RBFOX2: variants seen among roughly 807,000 people sequenced by gnomAD.
RBFOX2 encodes RNA binding fox-1 homolog 2.
RBFOX2 carries 10 observed loss-of-function variants against 49.1 expected under a neutral mutation model. The observed-to-expected ratio is 0.20, with a 90% CI of 0.13 to 0.35. RBFOX2 has a LOEUF of 0.35. Among genes scored for constraint, RBFOX2 ranks in the 10% least tolerant of loss-of-function variants. The pLI, the probability that RBFOX2 is intolerant of heterozygous loss-of-function variation, is 1.00. For synonymous variants in RBFOX2, 183 were observed against 187.4 expected, an observed-to-expected ratio of 0.98 and a Z score of 0.19; for missense variants, 323 against 486.9, an observed-to-expected ratio of 0.66 and a Z score of 3.17.
chr22:35,910,041 A>C (rs1229111066), intron 1 of RBFOX2, among the ~76,000 whole-genome samples: 3 of 152,192 alleles, frequency 2.0e-5, no homozygotes, highest in African/African-American at 7.2e-5. Context: ...CAAAGTCATG[A>C]TTTTTTGCTC....
At position 35,761,182 on chromosome 22, in the gene RBFOX2, G is replaced by C; in HGVS notation, c.754+20C>G. The C allele has an allele frequency of 6.2e-7, 1 of 1,605,782 alleles. No individual in the cohort carries two copies. Among genetic ancestry groups the C allele is most frequent in the Non-Finnish European group, 8.5e-7 (1 of 1,172,786 alleles). ...CTCACAACAGTCAAAATCCATGCCA[G>C]GCCAACATAGGCTACTTACTGATTA... On this transcript the variant is annotated intron_variant, in intron 8 of 11. Coordinates refer to ENST00000405409, the Ensembl canonical transcript of RBFOX2.
intron 5 of RBFOX2, among the ~76,000 whole-genome samples, chr22:35,765,991 A>C (rs1435706091): frequency 6.6e-6 from 1 of 152,198 alleles, no homozygotes; most frequent in Non-Finnish European, 1.5e-5. Context: ...TAGAAACCTA[A>C]GATTCCCCTG....
At chr22:35,796,735 G>A (rs1030427914) in intron 2 of RBFOX2, among the ~76,000 whole-genome samples, 6 of 151,244 alleles carry the variant, frequency 4.0e-5, no homozygotes, top group Middle Eastern at 3.2e-3. Flanking sequence ...GTAAAATATC[G>A]GCTTACTGAG....
chr22:35,975,267 A>G, intron 1 of RBFOX2, among the ~76,000 whole-genome samples: 1 of 152,228 alleles, frequency 6.6e-6, no homozygotes, highest in East Asian at 1.9e-4. Flanking sequence ...CAGTCTACAA[A>G]TGACACTTTA....
intron 1 of RBFOX2, among the ~76,000 whole-genome samples, chr22:35,829,081 A>G (rs1956329230): frequency 1.3e-5 from 2 of 152,074 alleles, no homozygotes; most frequent in Admixed American, 1.3e-4. Context: ...AAACAAACAA[A>G]CAACCCAAGA....
chr22:36,028,804 G>T (rs1403533354), exon 1 of RBFOX2, among the ~76,000 whole-genome samples: 2 of 152,028 alleles, frequency 1.3e-5, no homozygotes, highest in African/African-American at 2.4e-5. Context: ...CACGCCGGCC[G>T]AGGGAGGAAG....
chr22:35,894,808 C>T (rs1216688356), intron 1 of RBFOX2, among the ~76,000 whole-genome samples: 2 of 152,038 alleles, frequency 1.3e-5, no homozygotes, highest in East Asian at 3.9e-4. Context: ...GCACTCTGTA[C>T]TCACCCAGAG....
intron 1 of RBFOX2, among the ~76,000 whole-genome samples, chr22:35,945,922 A>G (rs765861494): frequency 1.3e-5 from 2 of 152,342 alleles, no homozygotes; most frequent in Middle Eastern, 3.4e-3. Context: ...AAAAAAACTC[A>G]TTCTACCTCC....
chr22:36,025,901 G>C (rs574266216), intron 1 of RBFOX2, among the ~76,000 whole-genome samples: 1 of 152,252 alleles, frequency 6.6e-6, no homozygotes, highest in East Asian at 1.9e-4. Context: ...CATTCAGCTA[G>C]TTGAAGGCAG....
chr22:35,787,889 G>A (rs1027869578), intron 2 of RBFOX2, among the ~76,000 whole-genome samples: 4 of 152,146 alleles, frequency 2.6e-5, no homozygotes, highest in African/African-American at 7.2e-5. Context: ...TCCGTTCACC[G>A]ACAGTTTAGA....
intron 4 of RBFOX2, among the ~76,000 whole-genome samples, chr22:35,773,421 T>C (rs1943169775): frequency 6.6e-6 from 1 of 152,098 alleles, no homozygotes; most frequent in Admixed American, 6.6e-5. Context: ...AAACATTTGC[T>C]AGAATAATTA....
chr22:35,777,799 A>G (rs1944291251), intron 4 of RBFOX2: 2 of 533,936 alleles, frequency 3.7e-6, no homozygotes, highest in East Asian at 6.0e-5. Flanking sequence ...TCTTCCCTCA[A>G]CCTTCTCTGC....
intron 1 of RBFOX2, among the ~76,000 whole-genome samples, chr22:35,869,608 G>GC (rs2149174708): frequency 6.6e-6 from 1 of 151,400 alleles, no homozygotes; most frequent in Admixed American, 6.6e-5. Context: ...CTAGGCGTGA[G>GC]CCTTTTGATG....
At chr22:35,877,700 G>C (rs2045317937) in intron 1 of RBFOX2, among the ~76,000 whole-genome samples, 1 of 152,116 alleles carries the variant, frequency 6.6e-6, no homozygotes, top group Non-Finnish European at 1.5e-5. Context: ...ATCAGAACCA[G>C]ATTTGGACCC....
At chr22:35,883,543 T>C (rs780907067) in intron 1 of RBFOX2, among the ~76,000 whole-genome samples, 1 of 152,232 alleles carries the variant, frequency 6.6e-6, no homozygotes, top group African/African-American at 2.4e-5. Context: ...TTGCCGTGTC[T>C]CAATTTCATC....
At position 35,839,862 on chromosome 22, in the gene RBFOX2, ACCTCTGCAGTCTTTCTCTC is replaced by A. The variant is rs1958410760; in HGVS notation, c.27+311_27+329del. 2.0e-5 allele frequency among the ~76,000 whole-genome samples: 3 copies of A among 152,198 alleles called. No homozygotes were observed. The South Asian group carries it at 6.2e-4, about 32-fold the overall frequency. On this transcript the variant is annotated intron_variant, in intron 1 of 11. Coordinates refer to ENST00000405409, the Ensembl canonical transcript of RBFOX2. Reference sequence around the variant, plus strand: ...TGGCAGTCTACAAGAATCTCTTCCTACCTCTGCAGTCTTTCTCTCCCTCCCTCTTCTCAGAACCAAGACA... The same window carrying A: ...TGGCAGTCTACAAGAATCTCTTCCTACCTCCCTCTTCTCAGAACCAAGACA...
chr22:35,874,390 T>G (rs2044749118), intron 1 of RBFOX2, among the ~76,000 whole-genome samples: 1 of 152,026 alleles, frequency 6.6e-6, no homozygotes, highest in South Asian at 2.1e-4. Flanking sequence ...TCTAGTAAAC[T>G]TACAAGTTGT....
At chr22:35,793,300 G>C (rs556140942) in intron 2 of RBFOX2, among the ~76,000 whole-genome samples, 5 of 152,192 alleles carry the variant, frequency 3.3e-5, no homozygotes, top group East Asian at 3.8e-4. Context: ...TTGAACCCGG[G>C]GGGCAGAGAT....
At chr22:35,827,940 G>A (rs1018792376) in intron 1 of RBFOX2, among the ~76,000 whole-genome samples, 24 of 152,148 alleles carry the variant, frequency 1.6e-4, no homozygotes, top group African/African-American at 5.8e-4. Context: ...GCCGAGGTGG[G>A]CAGATCACCT....
Sources: allele counts gnomAD v4.1 joint callset (sites outside exome capture counted in the v4.1 genomes callset), GRCh38; gene constraint gnomAD v4.1.1; transcripts MANE v1.5; gene names NCBI Gene and HGNC (gene_info 2026-07-23, HGNC 2026-07-21).